GPC5: variants seen among roughly 807,000 people sequenced by gnomAD.
GPC5 encodes glypican-5.
GPC5 carries 47 observed loss-of-function variants against 53.9 expected under a neutral mutation model. The observed-to-expected ratio is 0.87, with a 90% CI of 0.69 to 1.11. The LOEUF is 1.11. GPC5 is among the 50% of genes most tolerant of loss of function. The pLI, the probability that GPC5 is intolerant of heterozygous loss-of-function variation, is 0.00. For synonymous variants in GPC5, 286 were observed against 263.3 expected, an observed-to-expected ratio of 1.09 and a Z score of -0.84; for missense variants, 748 against 713.1, an observed-to-expected ratio of 1.05 and a Z score of -0.56.
At chr13:91,994,387 G>T (rs910991921) in intron 6 of GPC5, 1 of 152,092 alleles carries the variant, frequency 6.6e-6, no homozygotes, top group Non-Finnish European at 1.5e-5. Flanking sequence ...AGCCTGTGTT[G>T]GGCCATCATG....
chr13:91,411,791 T>C (rs905438538), intron 1 of GPC5, among the ~76,000 whole-genome samples: 3 of 152,236 alleles, frequency 2.0e-5, no homozygotes, highest in Admixed American at 2.0e-4. Context: ...AGGGTGCCAG[T>C]CTATTTTCTC....
At chr13:92,356,058 G>A (rs1313874394) in intron 7 of GPC5, among the ~76,000 whole-genome samples, 5 of 151,824 alleles carry the variant, frequency 3.3e-5, no homozygotes, top group Non-Finnish European at 1.5e-5. Flanking sequence ...TCTACCACTG[G>A]CCTTTTCTTT....
intron 7 of GPC5, among the ~76,000 whole-genome samples, chr13:92,273,100 G>T (rs1926621): frequency 0.13 from 19,760 of 151,916 alleles, 1,528 homozygotes; most frequent in African/African-American, 0.22. Flanking sequence ...AAATAAACAG[G>T]ACTTTTTCTT....
chr13:92,575,850 A>G (rs1380112930), intron 7 of GPC5, among the ~76,000 whole-genome samples: 1 of 152,196 alleles, frequency 6.6e-6, no homozygotes, highest in Non-Finnish European at 1.5e-5. Flanking sequence ...GATTCAGGCT[A>G]GATTGAAGAG....
At chr13:92,220,560 T>A (rs2042441404) in intron 7 of GPC5, among the ~76,000 whole-genome samples, 1 of 152,190 alleles carries the variant, frequency 6.6e-6, no homozygotes, top group Admixed American at 6.5e-5. Flanking sequence ...TATCGGGAAG[T>A]AAACTTAACT....
intron 6 of GPC5, among the ~76,000 whole-genome samples, chr13:91,965,431 A>G (rs2040171881): frequency 6.6e-6 from 1 of 152,158 alleles, no homozygotes; most frequent in African/African-American, 2.4e-5. Flanking sequence ...TCAATGAATG[A>G]TTAGATATTT....
At chr13:92,221,390 G>A (rs1038962155) in intron 7 of GPC5, among the ~76,000 whole-genome samples, 4 of 152,116 alleles carry the variant, frequency 2.6e-5, no homozygotes, top group Non-Finnish European at 5.9e-5. Flanking sequence ...AATAAAATAA[G>A]CCCTCTCTCT....
chr13:91,778,818 T>C (rs1305458273), intron 5 of GPC5, among the ~76,000 whole-genome samples: 1 of 152,204 alleles, frequency 6.6e-6, no homozygotes, highest in Non-Finnish European at 1.5e-5. Context: ...TTTGCCATTG[T>C]GGAATATTAT....
At chr13:92,243,700 A>AAGTTT (rs71120081) in intron 7 of GPC5, among the ~76,000 whole-genome samples, 85,063 of 151,384 alleles carry the variant, frequency 0.56, 24,115 homozygotes, top group South Asian at 0.65. Context: ...CATTGAATTG[A>AAGTTT]AGTTCTAATG....
intron 7 of GPC5, among the ~76,000 whole-genome samples, chr13:92,602,559 C>T (rs1884112653): frequency 6.6e-6 from 1 of 152,110 alleles, no homozygotes; most frequent in South Asian, 2.1e-4. Context: ...ATTTCTTTTA[C>T]ACCAGTGTAA....
At chr13:92,441,079 T>A (rs539764801) in intron 7 of GPC5, among the ~76,000 whole-genome samples, 48 of 152,332 alleles carry the variant, frequency 3.2e-4, no homozygotes, top group African/African-American at 1.1e-3. Context: ...TTTATCGTTT[T>A]TTTTTCTTTT....
At chr13:91,941,671 G>A (rs945515651) in intron 6 of GPC5, among the ~76,000 whole-genome samples, 2 of 152,042 alleles carry the variant, frequency 1.3e-5, no homozygotes, top group African/African-American at 4.8e-5. Context: ...GTTTTAGCCA[G>A]GTTTATCTCT....
chr13:91,519,332 A>G lies in GPC5; in HGVS notation c.325+70410A>G, dbSNP rs140205894. Reference sequence around the variant, plus strand: ...AAGGAACTATTTATATATTTATGATATGGTGATATGGTTTGGCTCTGTTTC... The same window carrying G: ...AAGGAACTATTTATATATTTATGATGTGGTGATATGGTTTGGCTCTGTTTC... On this transcript the variant is annotated intron_variant, in intron 2 of 7. Coordinates refer to ENST00000377067, the MANE Select transcript of GPC5 (RefSeq NM_004466.6). 2.6e-5 allele frequency among the ~76,000 whole-genome samples: 4 copies of G among 152,268 alleles called. No homozygotes were observed. In the East Asian group the frequency reaches 7.7e-4, roughly 29 times the overall value.
chr13:92,152,365 G>C (rs906463058), intron 7 of GPC5, among the ~76,000 whole-genome samples: 3 of 152,102 alleles, frequency 2.0e-5, no homozygotes, highest in African/African-American at 7.2e-5. Context: ...AATAAAAGCA[G>C]GACTCTTCAA....
At chr13:92,526,120 C>A (rs1169363248) in intron 7 of GPC5, among the ~76,000 whole-genome samples, 1 of 152,052 alleles carries the variant, frequency 6.6e-6, no homozygotes, top group Non-Finnish European at 1.5e-5. Flanking sequence ...TCCATTTGTT[C>A]TTTTATTCAA....
chr13:91,500,764 G>A (rs1291490865), intron 2 of GPC5, among the ~76,000 whole-genome samples: 1 of 152,090 alleles, frequency 6.6e-6, no homozygotes, highest in Admixed American at 6.5e-5. Context: ...GATATGGTTT[G>A]GCTGTGTCCC....
chr13:91,575,382 C>T lies in GPC5; in HGVS notation c.326-117805C>T, dbSNP rs2032094101. 2.0e-5 allele frequency among the ~76,000 whole-genome samples: 3 copies of T among 152,012 alleles called. No individual in the cohort carries two copies. In the South Asian group the frequency reaches 6.2e-4, roughly 32 times the overall value. On this transcript the variant is annotated intron_variant, in intron 2 of 7. Transcript: ENST00000377067. ...TTGTTCTATGAATTGAAGCTTATTGCTAATTGATACTTTGAAAAGTCCTAG... is the reference window on the plus strand; with the variant it reads ...TTGTTCTATGAATTGAAGCTTATTGTTAATTGATACTTTGAAAAGTCCTAG...
chr13:92,776,303 C>T (rs2138755359), intron 7 of GPC5, among the ~76,000 whole-genome samples: 1 of 152,186 alleles, frequency 6.6e-6, no homozygotes, highest in African/African-American at 2.4e-5. Context: ...TTTCCCACAG[C>T]GAGCTCTCTC....
chr13:92,129,605 A>G (rs1395832809), intron 6 of GPC5, among the ~76,000 whole-genome samples: 5 of 152,210 alleles, frequency 3.3e-5, no homozygotes, highest in African/African-American at 1.2e-4. Flanking sequence ...AAAAGTAGAC[A>G]AACTGGATGA....
Sources: allele counts gnomAD v4.1 joint callset (sites outside exome capture counted in the v4.1 genomes callset), GRCh38; gene constraint gnomAD v4.1.1; transcripts MANE v1.5; gene names NCBI Gene and HGNC (gene_info 2026-07-23, HGNC 2026-07-21).